The following LMX1B variants were observed in gnomAD, a reference collection of about 807,000 sequenced individuals.
The protein encoded by LMX1B is LIM homeobox transcription factor 1 beta.
LMX1B carries 12 observed loss-of-function variants against 51.4 expected under a neutral mutation model. The observed-to-expected ratio is 0.23, with a 90% CI of 0.15 to 0.38. The LOEUF (loss-of-function observed/expected upper bound fraction) is 0.38, where lower values mean the gene tolerates loss of function less well. LMX1B is among the 10% of genes least tolerant of loss of function. The pLI is 1.00. For missense variants in LMX1B, 445 were observed against 571.1 expected (o/e 0.78, Z 2.25); for synonymous variants, 237 against 235.4 (o/e 1.01, Z -0.06).
At chr9:126,651,218 A>T (rs1021702265) in intron 2 of LMX1B, among the ~76,000 whole-genome samples, 2 of 151,682 alleles carry the variant, frequency 1.3e-5, no homozygotes, top group African/African-American at 4.8e-5. Flanking sequence ...TCCCGGGCAG[A>T]GGCTGCTCCT....
intron 2 of LMX1B, among the ~76,000 whole-genome samples, chr9:126,651,534 C>T (rs2118902526): frequency 6.6e-6 from 1 of 152,070 alleles, no homozygotes; most frequent in Middle Eastern, 3.4e-3. Context: ...CCTTCTTCTC[C>T]CCCCCTCCCA....
At chr9:126,685,927 G>A (rs373988008) in intron 2 of LMX1B, among the ~76,000 whole-genome samples, 81 of 152,206 alleles carry the variant, frequency 5.3e-4, no homozygotes, top group African/African-American at 1.9e-3. Flanking sequence ...TTCCAAGCCC[G>A]GTGCATGCAG....
chr9:126,647,418 C>G lies in LMX1B; in HGVS notation c.326+31849C>G, dbSNP rs75123438. 3.7e-4 allele frequency among the ~76,000 whole-genome samples: 57 copies of G among 152,292 alleles called. No individual in the cohort carries two copies. The East Asian group carries it at 8.7e-3, about 23-fold the overall frequency. On this transcript the variant is annotated intron_variant, in intron 2 of 7. Transcript: ENST00000373474. ...ACACGCCGGGACCGTGCTGCACATG[C>G]TTTTTGGCAGCTTGCATTTTTCACT...
At chr9:126,661,346 C>G (rs956505857) in intron 2 of LMX1B, among the ~76,000 whole-genome samples, 29 of 152,030 alleles carry the variant, frequency 1.9e-4, no homozygotes, top group African/African-American at 6.8e-4. Context: ...GTTGGCTTCT[C>G]TCCAGGAACT....
chr9:126,681,579 C>G (rs541794727), intron 2 of LMX1B, among the ~76,000 whole-genome samples: 6 of 152,184 alleles, frequency 3.9e-5, no homozygotes, highest in Admixed American at 1.3e-4. Context: ...CGGTGCCCCC[C>G]CTACAGGTGC....
At chr9:126,620,281 A>G (rs1536907) in intron 2 of LMX1B, among the ~76,000 whole-genome samples, 29,982 of 152,014 alleles carry the variant, frequency 0.2, 3,439 homozygotes, top group Non-Finnish European at 0.25. Context: ...AGAGCTTTAG[A>G]CTCGGAGTCA....
At chr9:126,694,932 C>T (rs949005025) in intron 6 of LMX1B, among the ~76,000 whole-genome samples, 9 of 152,078 alleles carry the variant, frequency 5.9e-5, no homozygotes, top group East Asian at 3.9e-4. Flanking sequence ...CCTGCCCACA[C>T]GCACATGGCA....
rs1835525607 is a variant in LMX1B, at chr9:126,626,162, A to G, written c.326+10593A>G. Among the ~76,000 whole-genome samples the G allele has an allele frequency of 6.6e-6, 1 of 151,820 alleles. No individual in the cohort carries two copies. Among genetic ancestry groups the G allele is most frequent in the African/African-American group, 2.4e-5 (1 of 41,336 alleles). On this transcript the variant is annotated intron_variant, in intron 2 of 7. Coordinates refer to ENST00000373474, the MANE Select transcript of LMX1B (RefSeq NM_001174147.2). This position sits in a 1 kb window ranked among gnomAD's most constrained non-coding sequence, Gnocchi z 4.3. Reference sequence around the variant, plus strand: ...CCCGGCTCCCTGGCCTCCTATTAGAACTCGTAGAGGATCCGCTCTGGAGTC... The same window carrying G: ...CCCGGCTCCCTGGCCTCCTATTAGAGCTCGTAGAGGATCCGCTCTGGAGTC...
At position 126,615,818 on chromosome 9, in the gene LMX1B, G is replaced by A. The variant is rs1277437127; in HGVS notation, c.326+249G>A. The stretch of plus-strand genomic sequence containing the variant: ...ATCCGTTGTCCCGGAATCCTGCGCT[G>A]GGCCGGCCGAGGGATTTGGTGCCTG... On this transcript the variant is annotated intron_variant, in intron 2 of 7. Transcript: ENST00000373474. The surrounding 1 kb of genome is among the most constrained non-coding windows in gnomAD (Gnocchi z 6.0). 6.6e-6 allele frequency among the ~76,000 whole-genome samples: 1 copy of A among 152,240 alleles called. No homozygotes were observed. Among genetic ancestry groups the A allele is most frequent in the African/African-American group, 2.4e-5 (1 of 41,474 alleles).
At chr9:126,682,882 G>A (rs550760278) in intron 2 of LMX1B, among the ~76,000 whole-genome samples, 59 of 134,114 alleles carry the variant, frequency 4.4e-4, no homozygotes, top group Non-Finnish European at 6.9e-4. Context: ...GTGACAGAGA[G>A]GCACTCTGTC....
chr9:126,681,583 C>A (rs958835751), intron 2 of LMX1B, among the ~76,000 whole-genome samples: 24 of 151,802 alleles, frequency 1.6e-4, no homozygotes, highest in Non-Finnish European at 2.7e-4. Flanking sequence ...GCCCCCCCTA[C>A]AGGTGCCTAA....
chr9:126,626,921 G>T lies in LMX1B; in HGVS notation c.326+11352G>T, dbSNP rs1333806038. On this transcript the variant is annotated intron_variant, in intron 2 of 7. Coordinates refer to ENST00000373474, the MANE Select transcript of LMX1B (RefSeq NM_001174147.2). The surrounding 1 kb of genome is among the most constrained non-coding windows in gnomAD (Gnocchi z 4.3). ...CAACGCAGATGGTTCCTATCAGCCCGGCCGGGCCCGCAGCGTCCGCCGGTC... is the reference window on the plus strand; with the variant it reads ...CAACGCAGATGGTTCCTATCAGCCCTGCCGGGCCCGCAGCGTCCGCCGGTC... Among the ~76,000 whole-genome samples the T allele has an allele frequency of 6.6e-6, 1 of 152,202 alleles. No homozygotes were observed. The highest frequency in any genetic ancestry group is 1.9e-4 in the East Asian group (1 of 5,174).
chr9:126,630,435 C>G (rs1308012346), intron 2 of LMX1B, among the ~76,000 whole-genome samples: 1 of 152,192 alleles, frequency 6.6e-6, no homozygotes, highest in Non-Finnish European at 1.5e-5. Context: ...CATTTCATCA[C>G]TGGGGGGGAG....
intron 2 of LMX1B, among the ~76,000 whole-genome samples, chr9:126,635,252 C>T (rs1835694296): frequency 6.6e-6 from 1 of 152,182 alleles, no homozygotes; most frequent in Admixed American, 6.5e-5. Context: ...CAGCTACTTG[C>T]CCCCACTCGC....
chr9:126,644,486 C>T (rs907075307), intron 2 of LMX1B, among the ~76,000 whole-genome samples: 3 of 152,246 alleles, frequency 2.0e-5, no homozygotes, highest in South Asian at 2.1e-4. Flanking sequence ...AGGGAGTGCC[C>T]GCCCTTCCCG....
In LMX1B at chr9:126,614,498, G is replaced by A. The variant is rs1441940922; in HGVS notation, c.49G>A (p.Gly17Arg). ...PESLERCFPRGQTDCAKMLDG... is the reference protein window; with the variant it reads ...PESLERCFPRRQTDCAKMLDG... ...GTCGCTGGAGAGGTGCTTCCCTCGCGGGCAGACGGACTGCGCCAAGATGTT... is the reference window on the plus strand; with the variant it reads ...GTCGCTGGAGAGGTGCTTCCCTCGCAGGCAGACGGACTGCGCCAAGATGTT... Residue 17 changes from glycine (G) to arginine (R), a missense_variant, in exon 1 of 8, where the codon GGG becomes AGG. Physicochemically the swap from Gly to Arg is moderately radical, Grantham distance 125. Around this residue, in one of 3 missense-constraint regions of LMX1B, gnomAD observed 273 missense variants for 343.3 expected, o/e 0.80. Transcript: ENST00000373474. 2 of 1,605,572 alleles carry A rather than the reference G, an allele frequency of 1.2e-6. No individual in the cohort carries two copies. The highest frequency in any genetic ancestry group is 1.7e-6 in the Non-Finnish European group (2 of 1,176,862).
intron 3 of LMX1B, among the ~76,000 whole-genome samples, chr9:126,692,329 C>T (rs1315925797): frequency 3.9e-5 from 6 of 152,222 alleles, no homozygotes; most frequent in African/African-American, 1.2e-4. Flanking sequence ...GAAAGGAGAC[C>T]AGCCTGGGGG....
At chr9:126,621,648 CT>C (rs1588262411) in intron 2 of LMX1B, among the ~76,000 whole-genome samples, 3 of 75,728 alleles carry the variant, frequency 4.0e-5, no homozygotes, top group East Asian at 3.3e-4. Context: ...TTCTCTCTCT[CT>C]CTCTTCTTTT....
At chr9:126,687,176 C>T (rs1451389177) in intron 2 of LMX1B, among the ~76,000 whole-genome samples, 3 of 152,052 alleles carry the variant, frequency 2.0e-5, no homozygotes, top group Non-Finnish European at 4.4e-5. Flanking sequence ...TAAATGCATC[C>T]AGCCCCTGCC....
Sources: gnomAD v4.1 joint callset for allele counts (sites outside exome capture counted in the v4.1 genomes callset) on GRCh38, gnomAD v4.1.1 for gene constraint, gnomAD v4.1.1 regional missense constraint, Gnocchi (gnomAD v3.1) non-coding constraint, MANE v1.5 for transcripts, NCBI Gene and HGNC (gene_info 2026-07-23, HGNC 2026-07-21) for gene names.